Variants in KCNK9 observed in about 807,000 individuals in gnomAD.
KCNK9 encodes potassium two pore domain channel subfamily K member 9.
KCNK9 carries 1 observed loss-of-function variant against 10.8 expected under a neutral mutation model. The ratio of observed to expected loss-of-function variants is 0.09; its 90% confidence interval spans 0.03 to 0.44. The LOEUF (loss-of-function observed/expected upper bound fraction) is 0.44, where lower values mean the gene tolerates loss of function less well. Ranked by LOEUF, KCNK9 falls within the 20% of genes least tolerant of loss-of-function variation. KCNK9 has a pLI of 0.97. For missense variants in KCNK9, 303 were observed against 515.0 expected, an observed-to-expected ratio of 0.59 and a Z score of 3.98; for synonymous variants, 231 against 222.7, an observed-to-expected ratio of 1.04 and a Z score of -0.33.
chr8:139,634,282 A>G (rs546590003), intron 1 of KCNK9, among the ~76,000 whole-genome samples: 2 of 152,340 alleles, frequency 1.3e-5, no homozygotes, highest in African/African-American at 4.8e-5. Context: ...GCAGCCAACA[A>G]GCAGCTCCAG....
chr8:139,653,877 A>T (rs548938521), intron 1 of KCNK9, among the ~76,000 whole-genome samples: 2 of 152,224 alleles, frequency 1.3e-5, no homozygotes, highest in African/African-American at 4.8e-5. Context: ...TGCTTGGGGT[A>T]GCCAGGGACC....
intron 1 of KCNK9, among the ~76,000 whole-genome samples, chr8:139,639,328 A>C (rs535743368): frequency 1.3e-5 from 2 of 152,360 alleles, no homozygotes; most frequent in East Asian, 3.9e-4. Flanking sequence ...GGTGGAGACC[A>C]CTAGCAAGTA....
intron 1 of KCNK9, among the ~76,000 whole-genome samples, chr8:139,686,815 C>T (rs1161434425): frequency 2.6e-5 from 4 of 151,918 alleles, no homozygotes; most frequent in Non-Finnish European, 4.4e-5. Flanking sequence ...TTCAAATAAC[C>T]CTTGGATTAA....
downstream of KCNK9, among the ~76,000 whole-genome samples, chr8:139,613,618 G>A (rs1252426674): frequency 6.6e-6 from 1 of 152,180 alleles, no homozygotes; most frequent in Non-Finnish European, 1.5e-5. Context: ...GGGTCAAATT[G>A]GTTTTGTGCT....
At chr8:139,699,697 C>T (rs1217838355) in intron 1 of KCNK9, among the ~76,000 whole-genome samples, 1 of 152,222 alleles carries the variant, frequency 6.6e-6, no homozygotes, top group Non-Finnish European at 1.5e-5. Context: ...CCCCGGGATC[C>T]CCAGAGAGCT....
intron 1 of KCNK9, among the ~76,000 whole-genome samples, chr8:139,627,777 TC>T (rs1815023671): frequency 6.6e-6 from 1 of 152,160 alleles, no homozygotes; most frequent in Non-Finnish European, 1.5e-5. Flanking sequence ...CAATTCACAC[TC>T]CCCTGTGTCT....
At chr8:139,686,586 ATTG>A (rs1321245840) in intron 1 of KCNK9, among the ~76,000 whole-genome samples, 1 of 152,246 alleles carries the variant, frequency 6.6e-6, no homozygotes, top group African/African-American at 2.4e-5. Context: ...GAGGTCGATT[ATTG>A]TTGTTGTTAT....
intron 1 of KCNK9, among the ~76,000 whole-genome samples, chr8:139,646,123 G>A (rs1394635212): frequency 1.3e-5 from 2 of 152,138 alleles, no homozygotes; most frequent in South Asian, 2.1e-4. Context: ...AGTTGGAACT[G>A]GATCCAGTGT....
At chr8:139,627,420 C>T (rs1038122192) in intron 1 of KCNK9, among the ~76,000 whole-genome samples, 3 of 152,326 alleles carry the variant, frequency 2.0e-5, no homozygotes, top group South Asian at 4.1e-4. Flanking sequence ...TGACTGGTGA[C>T]TCAAAGGCTT....
At chr8:139,631,891 G>A (rs543083989) in intron 1 of KCNK9, among the ~76,000 whole-genome samples, 1 of 152,206 alleles carries the variant, frequency 6.6e-6, no homozygotes, top group Non-Finnish European at 1.5e-5. Flanking sequence ...GGATTCTCAT[G>A]TAGGGCTAAT....
intron 1 of KCNK9, among the ~76,000 whole-genome samples, chr8:139,681,210 T>C (rs1816681227): frequency 6.6e-6 from 1 of 152,148 alleles, no homozygotes; most frequent in African/African-American, 2.4e-5. Flanking sequence ...ATTTTACATA[T>C]GGAAACACTA....
intron 1 of KCNK9, among the ~76,000 whole-genome samples, chr8:139,691,225 C>G (rs1423863901): frequency 6.6e-6 from 1 of 152,148 alleles, no homozygotes; most frequent in African/African-American, 2.4e-5. Context: ...TTTCATGCGT[C>G]CACAAGTGTC....
chr8:139,687,382 A>G (rs1816817194), intron 1 of KCNK9, among the ~76,000 whole-genome samples: 1 of 131,570 alleles, frequency 7.6e-6, no homozygotes, highest in African/African-American at 2.8e-5. Context: ...ATACATATAT[A>G]TGAATATATA....
At chr8:139,640,749 ATCT>A (rs1428844842) in intron 1 of KCNK9, among the ~76,000 whole-genome samples, 1 of 152,178 alleles carries the variant, frequency 6.6e-6, no homozygotes, top group African/African-American at 2.4e-5. Flanking sequence ...AAATCCCACC[ATCT>A]TCATTTCTAC....
intron 1 of KCNK9, among the ~76,000 whole-genome samples, chr8:139,645,355 G>C (rs1358409753): frequency 6.6e-6 from 1 of 152,156 alleles, no homozygotes; most frequent in African/African-American, 2.4e-5. Context: ...GACGGCAGAG[G>C]CTGCCCACCC....
At chr8:139,670,293 A>C (rs1816396924) in intron 1 of KCNK9, among the ~76,000 whole-genome samples, 1 of 152,216 alleles carries the variant, frequency 6.6e-6, no homozygotes, top group Non-Finnish European at 1.5e-5. Flanking sequence ...AATAATGAAA[A>C]AGTTTGAAAT....
intron 1 of KCNK9, among the ~76,000 whole-genome samples, chr8:139,691,167 C>G (rs982721663): frequency 6.6e-6 from 1 of 152,186 alleles, no homozygotes; most frequent in Non-Finnish European, 1.5e-5. Flanking sequence ...TGTCCCCATC[C>G]CTGGAGCTGA....
chr8:139,659,539 T>C (rs988603965), intron 1 of KCNK9, among the ~76,000 whole-genome samples: 2 of 152,080 alleles, frequency 1.3e-5, no homozygotes, highest in Admixed American at 1.3e-4. Context: ...TGAGACGGAG[T>C]CTCGCTCTGT....
intron 1 of KCNK9, among the ~76,000 whole-genome samples, chr8:139,627,972 C>T (rs542146724): frequency 6.6e-6 from 1 of 152,318 alleles, no homozygotes; most frequent in Admixed American, 6.5e-5. Context: ...TAAAGAGAAG[C>T]CGAAAATATG....
Sources: allele counts gnomAD v4.1 joint callset (sites outside exome capture counted in the v4.1 genomes callset), GRCh38; gene constraint gnomAD v4.1.1; transcripts MANE v1.5; gene names NCBI Gene and HGNC (gene_info 2026-07-23, HGNC 2026-07-21).